The following ZNF70 variants were observed in gnomAD, a reference collection of about 807,000 sequenced individuals.
ZNF70 encodes zinc finger protein N27C7-1.
Under a neutral mutation model 37.7 loss-of-function variants are expected in ZNF70, and 18 were observed. That is an observed-to-expected ratio of 0.48 (90% confidence interval 0.33 to 0.71). The LOEUF is 0.71. Among genes scored for constraint, ZNF70 ranks in the 30% least tolerant of loss-of-function variants. The pLI, the probability that ZNF70 is intolerant of heterozygous loss-of-function variation, is 0.02. For missense variants in ZNF70, 506 were observed against 568.6 expected, an observed-to-expected ratio of 0.89 and a Z score of 1.12; for synonymous variants, 219 against 220.1, an observed-to-expected ratio of 0.99 and a Z score of 0.05.
In ZNF70 at chr22:23,749,515, G is replaced by A. The variant is rs533332592; in HGVS notation, c.-80+1196C>T. Among the ~76,000 whole-genome samples the A allele has an allele frequency of 1.6e-4, 19 of 115,278 alleles. No homozygotes were observed. The East Asian group carries it at 5.0e-3, about 30-fold the overall frequency. The allele number at this position is 115,278 out of a possible 152,430, so 75.6% of individuals were successfully genotyped here. On this transcript the variant is annotated intron_variant, in intron 1 of 1. Transcript: ENST00000341976. The stretch of plus-strand genomic sequence containing the variant: ...TGCACTCCAGGCTGGGCGACAGGAC[G>A]AGACTCCGTCTCAAAAAAAAAAAAA...
At position 23,740,770 on chromosome 22, in the gene ZNF70, A is replaced by C. The variant is rs190064488; in HGVS notation, c.*3030T>G. On this transcript the variant is annotated 3_prime_UTR_variant, in exon 2 of 2. Coordinates refer to ENST00000341976, the MANE Select transcript of ZNF70 (RefSeq NM_021916.4). ...AGACTCTGTCTCAAAAAAAAAAAAA[A>C]AAAAAAAAAAACTAATAAAACAAGG... 2.0e-5 allele frequency: 3 copies of C among 151,352 alleles called. No individual in the cohort carries two copies. Among genetic ancestry groups the C allele is most frequent in the Non-Finnish European group, 2.9e-5 (2 of 68,188 alleles). The allele number at this position is 151,352 out of a possible 1,614,324, so 9.4% of individuals were successfully genotyped here.
chr22:23,749,763 C>T (rs891807621), intron 1 of ZNF70, among the ~76,000 whole-genome samples: 1 of 151,998 alleles, frequency 6.6e-6, no homozygotes, highest in African/African-American at 2.4e-5. Flanking sequence ...TCTTTGATCA[C>T]TTCAACTCCT....
Position 23,743,959 on chromosome 22 carries a change from G to T in ZNF70, c.1182C>A (p.Cys394Ter). 6.2e-7 allele frequency: 1 copy of T among 1,614,108 alleles called. No homozygotes were observed. The highest frequency in any genetic ancestry group is 8.5e-7 in the Non-Finnish European group (1 of 1,179,990). Residue 394 changes from cysteine to a stop codon, truncating the protein, a stop_gained, in exon 2 of 2, where the codon TGC becomes TGA. Coordinates refer to ENST00000341976, the MANE Select transcript of ZNF70 (RefSeq NM_021916.4). LOFTEE classifies it high-confidence loss of function. Reference protein sequence around the residue: ...RIHTGKKPYTCECGKAFRHRS... With the variant: ...RIHTGKKPYT ...GGTGCCGGAAGGCTTTGCCACACTC[G>T]CAGGTGTAGGGCTTCTTGCCGGTGT...
In ZNF70 at chr22:23,740,452, G is replaced by C. The variant is rs1167973707; in HGVS notation, c.*3348C>G. ...GTTTGAGAATCTAAATAGAATGAGA[G>C]AGTTTAAAAAAAAAAATCTAATAAG... On this transcript the variant is annotated 3_prime_UTR_variant, in exon 2 of 2. Coordinates refer to ENST00000341976, the MANE Select transcript of ZNF70 (RefSeq NM_021916.4). 1 of 151,686 alleles carries C rather than the reference G, an allele frequency of 6.6e-6. No homozygotes were observed. The highest frequency in any genetic ancestry group is 1.5e-5 in the Non-Finnish European group (1 of 67,928). The allele number at this position is 151,686 out of a possible 1,614,324, so 9.4% of individuals were successfully genotyped here.
chr22:23,743,837 A>G lies in ZNF70; in HGVS notation c.1304T>C (p.Ile435Thr), dbSNP rs544635239. 6 of 1,614,194 alleles carry G rather than the reference A, an allele frequency of 3.7e-6. No individual in the cohort carries two copies. The highest frequency in any genetic ancestry group is 2.2e-5 in the East Asian group (1 of 44,888). ...CCCAGAATGAATCTTCTGATGGCGA[A>G]TCAGGTGCGAGCTCCCCCGGAAGGA... Reference protein sequence around the residue: ...GKSFRGSSHLIRHQKIHSGEK... With the variant: ...GKSFRGSSHLTRHQKIHSGEK... The change falls in exon 2 of 2, where the codon ATT (isoleucine) becomes ACT (threonine). Residue 435 changes from isoleucine to threonine, a missense_variant. Coordinates refer to ENST00000341976, the MANE Select transcript of ZNF70 (RefSeq NM_021916.4).
Position 23,744,988 on chromosome 22 carries a change from G to GA in ZNF70, c.152dup (p.Leu53SerfsTer3). On this transcript the variant is annotated frameshift_variant, in exon 2 of 2. Transcript: ENST00000341976. LOFTEE classifies it high-confidence loss of function. ...TTTCTTCGTCCTGCTCACCAAGAGG[G>GA]ATCTCCTTGTAGATCACAGCCATTT... The GA allele has an allele frequency of 6.2e-7, 1 of 1,614,116 alleles. No homozygotes were observed. Among genetic ancestry groups the GA allele is most frequent in the Non-Finnish European group, 8.5e-7 (1 of 1,180,030 alleles).
chr22:23,744,475 CCT>C lies in ZNF70; in HGVS notation c.664_665del (p.Arg222AlafsTer33), dbSNP rs1569134784. ...TQHQKIHTGKRPYECRECGKD... is the reference protein window; with the variant it reads ...TQHQKIHTGKXPYECRECGKD... ...TCCCGCATTCCCTGCACTCGTAGGGCCTCTTTCCGGTGTGGATCTTTTGGTGT... is the reference window on the plus strand; with the variant it reads ...TCCCGCATTCCCTGCACTCGTAGGGCCTTTCCGGTGTGGATCTTTTGGTGT... On this transcript the variant is annotated frameshift_variant, in exon 2 of 2. Transcript: ENST00000341976. LOFTEE classifies it high-confidence loss of function. The C allele has an allele frequency of 3.1e-6, 5 of 1,613,944 alleles. No individual in the cohort carries two copies. The highest frequency in any genetic ancestry group is 1.3e-5 in the African/African-American group (1 of 74,872).
At position 23,740,029 on chromosome 22, in the gene ZNF70, T is replaced by C. The variant is rs1924827055; in HGVS notation, c.*3771A>G. The C allele has an allele frequency of 6.6e-6, 1 of 150,552 alleles. No individual in the cohort carries two copies. The highest frequency in any genetic ancestry group is 6.6e-5 in the Admixed American group (1 of 15,058). The allele number at this position is 150,552 out of a possible 1,614,324, so 9.3% of individuals were successfully genotyped here. A position where few individuals can be genotyped will look rare whatever the true frequency, so the allele number is the denominator to read the frequency against. ...CTAAGGAGAAGAAGAAATAAAAAAA[T>C]GCCGAGCGCGGTGGCTCACACCTGT... On this transcript the variant is annotated 3_prime_UTR_variant, in exon 2 of 2. Transcript: ENST00000341976.
chr22:23,744,418 T>C lies in ZNF70; in HGVS notation c.723A>G (p.Lys241=). 6.2e-7 allele frequency: 1 copy of C among 1,613,600 alleles called. No individual in the cohort carries two copies. The highest frequency in any genetic ancestry group is 8.5e-7 in the Non-Finnish European group (1 of 1,179,902). Residue 241 remains lysine (K), a synonymous_variant, in exon 2 of 2, where the codon AAA becomes AAG. Coordinates refer to ENST00000341976, the MANE Select transcript of ZNF70 (RefSeq NM_021916.4). Reference sequence around the variant, plus strand: ...TCTCTCCTGTATGAATTCTCTCGTGTTTTCTGAGGCTGGAGCTCCGGCTGA... The same window carrying C: ...TCTCTCCTGTATGAATTCTCTCGTGCTTTCTGAGGCTGGAGCTCCGGCTGA... ...KDFSRSSSLR[K]HERIHTGERP...
intron 1 of ZNF70, among the ~76,000 whole-genome samples, chr22:23,745,889 G>T (rs187950646): frequency 1.8e-4 from 27 of 152,308 alleles, no homozygotes; most frequent in Non-Finnish European, 2.1e-4. Flanking sequence ...GAGAAAGAGA[G>T]CTCTTCCCTC....
chr22:23,745,087 C>T lies in ZNF70; in HGVS notation c.54G>A (p.Arg18=), dbSNP rs1157449753. ...KFGETFAFEN[R]LESQQGLFPG... is the part of the protein sequence containing the mutation. ...GGAAAAGCCCTTGTTGTGACTCTAA[C>T]CTGTTCTCAAATGCAAAGGTCTCAC... Residue 18 remains arginine, a synonymous_variant, in exon 2 of 2, where the codon AGG becomes AGA. Transcript: ENST00000341976. 6.2e-7 allele frequency: 1 copy of T among 1,614,082 alleles called. No homozygotes were observed. Among genetic ancestry groups the T allele is most frequent in the East Asian group, 2.2e-5 (1 of 44,900 alleles).
chr22:23,745,184 T>G lies in ZNF70; in HGVS notation c.-44A>C. ...CCCAATGGTTGTATTTCTTTAAAAA[T>G]GTTCTTCTTTGGGCCACACTTACTG... On this transcript the variant is annotated 5_prime_UTR_variant, in exon 2 of 2. Coordinates refer to ENST00000341976, the MANE Select transcript of ZNF70 (RefSeq NM_021916.4). 6.4e-7 allele frequency: 1 copy of G among 1,569,136 alleles called. No homozygotes were observed. Among genetic ancestry groups the G allele is most frequent in the Non-Finnish European group, 8.6e-7 (1 of 1,157,040 alleles).
At chr22:23,747,448 C>T (rs1264425407) in intron 1 of ZNF70, among the ~76,000 whole-genome samples, 1 of 152,168 alleles carries the variant, frequency 6.6e-6, no homozygotes, top group Non-Finnish European at 1.5e-5. Flanking sequence ...CCCCATGTCC[C>T]CCACCCATTC....
chr22:23,743,857 G>C lies in ZNF70; in HGVS notation c.1284C>G (p.Phe428Leu), dbSNP rs1924972813. The change falls in exon 2 of 2, where the codon TTC becomes TTG. Residue 428 changes from phenylalanine (F) to leucine (L), a missense_variant. Physicochemically the swap from Phe to Leu is conservative, Grantham distance 22. Transcript: ENST00000341976. ...GGCGAATCAGGTGCGAGCTCCCCCG[G>C]AAGGACTTGCCGCACAGATTGCACA... is the stretch of plus-strand genomic sequence containing the variant. ...PYVCNLCGKS[F>L]RGSSHLIRHQ... The C allele has an allele frequency of 2.5e-6, 4 of 1,614,226 alleles. No individual in the cohort carries two copies. Among genetic ancestry groups the C allele is most frequent in the Non-Finnish European group, 2.5e-6 (3 of 1,180,030 alleles).
chr22:23,742,091 A>G lies in ZNF70; in HGVS notation c.*1709T>C, dbSNP rs1225924361. The G allele has an allele frequency of 6.6e-6, 1 of 152,434 alleles. No individual in the cohort carries two copies. Among genetic ancestry groups the G allele is most frequent in the Non-Finnish European group, 1.5e-5 (1 of 68,208 alleles). 9.4% of individuals were successfully genotyped at this position (152,434 alleles called of 1,614,324 possible). ...GTGAAACCCCGTCTGTACTAAAAAT[A>G]CAAAAAATTAGCCAGGCATGGTGGC... is the stretch of plus-strand genomic sequence containing the variant. On this transcript the variant is annotated 3_prime_UTR_variant, in exon 2 of 2. Coordinates refer to ENST00000341976, the MANE Select transcript of ZNF70 (RefSeq NM_021916.4).
chr22:23,749,371 A>AG (rs1925244763), intron 1 of ZNF70, among the ~76,000 whole-genome samples: 1 of 139,572 alleles, frequency 7.2e-6, no homozygotes, highest in Admixed American at 7.2e-5. Context: ...AAAAAAAAAA[A>AG]AAAAAAAAAA....
rs1263348697 is a variant in ZNF70, at chr22:23,741,204, GTAACAGACA to G, written c.*2587_*2595del. On this transcript the variant is annotated 3_prime_UTR_variant, in exon 2 of 2. Transcript: ENST00000341976. ...ATGGGGAGGGAGAAACCAAAGATAG[GTAACAGACA>G]TTTGCCAGATGATAACGGTGGGGAA... is the stretch of plus-strand genomic sequence containing the variant. 1 of 152,264 alleles carries G rather than the reference GTAACAGACA, an allele frequency of 6.6e-6. No homozygotes were observed. The highest frequency in any genetic ancestry group is 1.9e-4 in the East Asian group (1 of 5,204). 9.4% of individuals were successfully genotyped at this position (152,264 alleles called of 1,614,324 possible).
At chr22:23,745,771 A>G (rs1457208282) in intron 1 of ZNF70, among the ~76,000 whole-genome samples, 1 of 151,976 alleles carries the variant, frequency 6.6e-6, no homozygotes, top group Non-Finnish European at 1.5e-5. Flanking sequence ...ACTCTATCTC[A>G]AACAACAACA....
At chr22:23,748,814 G>C (rs1170723519) in intron 1 of ZNF70, among the ~76,000 whole-genome samples, 1 of 151,844 alleles carries the variant, frequency 6.6e-6, no homozygotes, top group African/African-American at 2.4e-5. Flanking sequence ...CAAAGTGCTG[G>C]GATTACAGGT....
Sources: allele counts gnomAD v4.1 joint callset (sites outside exome capture counted in the v4.1 genomes callset), GRCh38; gene constraint gnomAD v4.1.1; transcripts MANE v1.5; gene names NCBI Gene and HGNC (gene_info 2026-07-23, HGNC 2026-07-21).